SLC9A9: variants seen among roughly 807,000 people sequenced by gnomAD.
SLC9A9 encodes solute carrier family 9 member A9, also known as sodium/hydrogen exchanger 9.
Under a neutral mutation model 77.8 loss-of-function variants are expected in SLC9A9, and 62 were observed. The ratio of observed to expected loss-of-function variants is 0.80; its 90% CI spans 0.65 to 0.98. SLC9A9 has a LOEUF of 0.98. Among genes scored for constraint, SLC9A9 ranks in the 50% least tolerant of loss-of-function variants. The probability of loss-of-function intolerance (pLI) is 0.00; values close to 1 mark genes in which losing one functional copy is unlikely to be tolerated. For synonymous variants in SLC9A9, 320 were observed against 283.5 expected (o/e 1.13, Z -1.29); for missense variants, 775 against 774.9 (o/e 1.00, Z 0.00).
At chr3:143,356,773 C>CT (rs1174448662) in intron 14 of SLC9A9, among the ~76,000 whole-genome samples, 1 of 152,128 alleles carries the variant, frequency 6.6e-6, no homozygotes, top group Admixed American at 6.5e-5. Context: ...CTTCCACCCC[C>CT]TAAGGTGCTG....
chr3:143,416,647 C>T (rs2034198271), intron 12 of SLC9A9, among the ~76,000 whole-genome samples: 1 of 152,118 alleles, frequency 6.6e-6, no homozygotes. Context: ...GTAAACCTAA[C>T]TTTCATATGC....
intron 4 of SLC9A9, among the ~76,000 whole-genome samples, chr3:143,721,856 T>C (rs6807319): frequency 1.3e-5 from 2 of 152,048 alleles, no homozygotes; most frequent in Non-Finnish European, 2.9e-5. Context: ...AATACACTTG[T>C]AGTCCAATGG....
intron 12 of SLC9A9, among the ~76,000 whole-genome samples, chr3:143,400,490 A>C (rs1408372830): frequency 6.6e-6 from 1 of 152,092 alleles, no homozygotes; most frequent in East Asian, 1.9e-4. Flanking sequence ...AGCTATGAGG[A>C]CAAAAAAGCA....
intron 12 of SLC9A9, among the ~76,000 whole-genome samples, chr3:143,387,093 G>C (rs1225003934): frequency 6.6e-6 from 1 of 152,148 alleles, no homozygotes; most frequent in Non-Finnish European, 1.5e-5. Flanking sequence ...CATCCACCTA[G>C]GCTTCCCAAA....
intron 14 of SLC9A9, among the ~76,000 whole-genome samples, chr3:143,297,721 TGTTTAA>T (rs1188248592): frequency 6.6e-6 from 1 of 152,206 alleles, no homozygotes; most frequent in Non-Finnish European, 1.5e-5. Flanking sequence ...TTCACCTGCT[TGTTTAA>T]GTTTATGCCT....
chr3:143,335,938 ACTT>A (rs2031908007), intron 14 of SLC9A9, among the ~76,000 whole-genome samples: 1 of 152,168 alleles, frequency 6.6e-6, no homozygotes, highest in African/African-American at 2.4e-5. Context: ...AAATTTAAAA[ACTT>A]CTGCACATCA....
At chr3:143,736,153 C>T (rs985380814) in intron 4 of SLC9A9, among the ~76,000 whole-genome samples, 8 of 152,176 alleles carry the variant, frequency 5.3e-5, no homozygotes, top group Admixed American at 4.6e-4. Context: ...ATGTGTCTCT[C>T]TCTCTGGAAA....
chr3:143,297,589 A>C (rs1293376097), intron 14 of SLC9A9, among the ~76,000 whole-genome samples: 8 of 152,174 alleles, frequency 5.3e-5, no homozygotes, highest in Non-Finnish European at 1.2e-4. Flanking sequence ...TTGGAATTTT[A>C]CTTTGCTAGT....
chr3:143,542,339 A>T (rs367892482), intron 9 of SLC9A9, among the ~76,000 whole-genome samples: 1 of 152,166 alleles, frequency 6.6e-6, no homozygotes, highest in Non-Finnish European at 1.5e-5. Flanking sequence ...ACTCTTTACA[A>T]AAGAAATGTA....
intron 5 of SLC9A9, among the ~76,000 whole-genome samples, chr3:143,660,881 A>T (rs2108755796): frequency 6.6e-6 from 1 of 152,348 alleles, no homozygotes; most frequent in African/African-American, 2.4e-5. Context: ...AAAAACCTGG[A>T]CCAATGACGA....
At chr3:143,492,365 T>C (rs2035763686) in intron 11 of SLC9A9, among the ~76,000 whole-genome samples, 1 of 151,490 alleles carries the variant, frequency 6.6e-6, no homozygotes, top group South Asian at 2.1e-4. Context: ...TCTCTTACCC[T>C]AACATGTCTG....
At chr3:143,661,118 G>A (rs2038972355) in intron 5 of SLC9A9, among the ~76,000 whole-genome samples, 1 of 152,174 alleles carries the variant, frequency 6.6e-6, no homozygotes, top group Non-Finnish European at 1.5e-5. Context: ...TGGGAATGGT[G>A]AAGTCCAAAC....
chr3:143,840,160 A>C (rs114385519), intron 1 of SLC9A9, among the ~76,000 whole-genome samples: 1,740 of 152,316 alleles, frequency 0.011, 37 homozygotes, highest in African/African-American at 0.04. Flanking sequence ...TGGGCTGTGA[A>C]CTACATATTT....
intron 6 of SLC9A9, among the ~76,000 whole-genome samples, chr3:143,593,492 C>T (rs986608495): frequency 6.6e-6 from 1 of 152,136 alleles, no homozygotes; most frequent in African/African-American, 2.4e-5. Context: ...TTTATTCAAA[C>T]CTATTATCAC....
intron 6 of SLC9A9, among the ~76,000 whole-genome samples, chr3:143,643,219 C>T (rs113541008): frequency 2.0e-5 from 3 of 152,140 alleles, no homozygotes; most frequent in East Asian, 1.9e-4. Flanking sequence ...AGAGGGGATA[C>T]GGCTGTGACA....
chr3:143,344,157 G>T (rs1023983044), intron 14 of SLC9A9, among the ~76,000 whole-genome samples: 5 of 152,218 alleles, frequency 3.3e-5, no homozygotes, highest in African/African-American at 9.6e-5. Flanking sequence ...ACTGACAAAG[G>T]TTACTTTGTG....
intron 4 of SLC9A9, among the ~76,000 whole-genome samples, chr3:143,785,470 C>T (rs1325363214): frequency 6.6e-6 from 1 of 152,178 alleles, no homozygotes; most frequent in Non-Finnish European, 1.5e-5. Context: ...CCATCCCAGT[C>T]AAGGAACTGG....
chr3:143,442,983 T>C (rs150932054), intron 12 of SLC9A9, among the ~76,000 whole-genome samples: 15 of 152,336 alleles, frequency 9.8e-5, no homozygotes, highest in African/African-American at 3.6e-4. Context: ...TGATTGTTTC[T>C]AGTACTTAAG....
At chr3:143,616,404 A>G (rs951251420) in intron 6 of SLC9A9, among the ~76,000 whole-genome samples, 4 of 151,994 alleles carry the variant, frequency 2.6e-5, no homozygotes, top group African/African-American at 9.7e-5. Context: ...CACCAAAAAC[A>G]CCCCCAGAAA....
Sources: gnomAD v4.1 joint callset for allele counts (sites outside exome capture counted in the v4.1 genomes callset) on GRCh38, gnomAD v4.1.1 for gene constraint, MANE v1.5 for transcripts, NCBI Gene and HGNC (gene_info 2026-07-23, HGNC 2026-07-21) for gene names.